Variants in MYH14 observed in about 807,000 individuals in gnomAD.
MYH14 encodes myosin heavy chain 14.
A neutral mutation model predicts 255.5 loss-of-function variants in MYH14; 123 were observed. The observed-to-expected ratio is 0.48, with a 90% CI of 0.42 to 0.56. MYH14 has a LOEUF of 0.56. Among genes scored for constraint, MYH14 ranks in the 20% least tolerant of loss-of-function variants. The probability of loss-of-function intolerance (pLI) is 0.00; values close to 1 mark genes in which losing one functional copy is unlikely to be tolerated. For synonymous variants in MYH14, 1,095 were observed against 1,161.2 expected (o/e 0.94, Z 1.16); for missense variants, 2,423 against 2,802.3 (o/e 0.86, Z 3.06).
Position 50,211,205 on chromosome 19 carries a change from G to A in MYH14, c.405+435G>A, listed in dbSNP as rs114091288. On this transcript the variant is annotated intron_variant, in intron 2 of 42. Transcript: ENST00000642316. ...AATTAGCCAGGTGTGGTGGTGGCCC[G>A]TGCCTTTAGTCTCACCTTCTAGGAA... is the stretch of plus-strand genomic sequence containing the variant. 4.4e-3 allele frequency among the ~76,000 whole-genome samples: 670 copies of A among 152,216 alleles called. 7 individuals are homozygous for A. Among genetic ancestry groups the A allele is most frequent in the African/African-American group, 0.015 (624 of 41,518 alleles).
chr19:50,282,164 A>G (rs1375367947), intron 33 of MYH14, among the ~76,000 whole-genome samples: 2 of 152,152 alleles, frequency 1.3e-5, no homozygotes, highest in Non-Finnish European at 2.9e-5. Context: ...AACTCATCTC[A>G]CTTCTGCTGA....
rs772570358 is a variant in MYH14 at position 50,259,162 on chromosome 19, C to T, written c.2251C>T (p.Arg751Trp). 35 of 1,558,480 alleles carry T rather than the reference C, an allele frequency of 2.2e-5. 1 individual carries two copies. Among genetic ancestry groups the T allele is most frequent in the Middle Eastern group, 1.7e-4 (1 of 6,020 alleles). Residue 751 changes from arginine to tryptophan, a missense_variant, in exon 19 of 43, where the codon CGG becomes TGG. Around this residue, in one of 3 missense-constraint regions of MYH14, gnomAD observed 672 missense variants for 881.8 expected, o/e 0.76. Coordinates refer to ENST00000642316, the MANE Select transcript of MYH14 (RefSeq NM_001145809.2). ...HEKRAGKLEP[R>W]LVLDQLRCNG... is the part of the protein sequence containing the mutation. Reference sequence around the variant, plus strand: ...TCCCCAGGCCGGGAAGCTGGAGCCACGGCTGGTGCTGGACCAGCTTCGCTG... The same window carrying T: ...TCCCCAGGCCGGGAAGCTGGAGCCATGGCTGGTGCTGGACCAGCTTCGCTG...
intron 30 of MYH14, among the ~76,000 whole-genome samples, chr19:50,278,509 T>A (rs1246593075): frequency 6.6e-6 from 1 of 151,788 alleles, no homozygotes; most frequent in Non-Finnish European, 1.5e-5. Flanking sequence ...GAGACCAGCC[T>A]GGGCAACATA....
rs182390012 is a variant in MYH14 at position 50,266,453 on chromosome 19, G to C, written c.2695-424G>C. ...ATACGCCTGTAATCCCAGCTACTCG[G>C]GAGGCTGAGGCAGGAGAATCGCTTG... is the stretch of plus-strand genomic sequence containing the variant. On this transcript the variant is annotated intron_variant, in intron 22 of 42. Transcript: ENST00000642316. This position sits in a 1 kb window ranked among gnomAD's most constrained non-coding sequence, Gnocchi z 4.1. 1.3e-5 allele frequency among the ~76,000 whole-genome samples: 2 copies of C among 152,156 alleles called. No homozygotes were observed. Among genetic ancestry groups the C allele is most frequent in the African/African-American group, 4.8e-5 (2 of 41,452 alleles).
intron 24 of MYH14, among the ~76,000 whole-genome samples, chr19:50,269,265 C>T (rs1405817759): frequency 6.6e-6 from 1 of 152,220 alleles, no homozygotes; most frequent in East Asian, 1.9e-4. Context: ...CAACCTCCGT[C>T]TCCCGGGCTC....
intron 42 of MYH14, 112 bp from the exon 43 acceptor site, chr19:50,309,504 CCTCTCTTCCCCCTTATTTTGTTCT>C: frequency 1.5e-6 from 1 of 672,396 alleles, no homozygotes; most frequent in East Asian, 2.7e-5. Flanking sequence ...TGATCTCATC[CCTCTCTTCCCCCTTATTTTGTTCT>C]CTCTCTTCCT....
At chr19:50,245,772 C>A (rs73061127) in intron 11 of MYH14, among the ~76,000 whole-genome samples, 2,871 of 152,344 alleles carry the variant, frequency 0.019, 38 homozygotes, top group Middle Eastern at 0.034. Flanking sequence ...GGGCTCTGTA[C>A]ATAGGCACCC....
chr19:50,272,033 C>T, intron 26 of MYH14, 61 bp downstream of exon 26: 1 of 1,573,276 alleles, frequency 6.4e-7, no homozygotes, highest in South Asian at 1.2e-5. Flanking sequence ...CTCAGGCAAG[C>T]CCCATGTGCT....
chr19:50,232,160 G>A (rs2033431222), intron 10 of MYH14, 90 bp downstream of exon 10: 2 of 1,527,994 alleles, frequency 1.3e-6, no homozygotes, highest in African/African-American at 1.4e-5. Context: ...CTTTGAGCAA[G>A]TGTTTATTGA....
chr19:50,301,056 T>C (rs1262835211), intron 39 of MYH14, among the ~76,000 whole-genome samples: 2 of 152,112 alleles, frequency 1.3e-5, no homozygotes, highest in Non-Finnish European at 2.9e-5. Flanking sequence ...CTCACTTCCA[T>C]GTACCCAGCA....
intron 22 of MYH14, among the ~76,000 whole-genome samples, chr19:50,265,758 T>C (rs1463821527): frequency 2.0e-5 from 3 of 151,680 alleles, no homozygotes; most frequent in Admixed American, 2.0e-4. Context: ...AAGGTGAAGG[T>C]TGCAGTGAGC....
At position 50,252,292 on chromosome 19, in the gene MYH14, C is replaced by G. The variant is rs2123317488; in HGVS notation, c.1831-347C>G. Among the ~76,000 whole-genome samples, 1 of 152,262 alleles carries G rather than the reference C, an allele frequency of 6.6e-6. No homozygotes were observed. The highest frequency in any genetic ancestry group is 1.9e-4 in the East Asian group (1 of 5,166). On this transcript the variant is annotated intron_variant, in intron 15 of 42. Transcript: ENST00000642316. This position sits in a 1 kb window ranked among gnomAD's most constrained non-coding sequence, Gnocchi z 4.2. ...GCCAGTGGTGTGAAACCCACAGAGA[C>G]AGAACCCCAGGTGGCAGGAACCGCA...
chr19:50,304,411 G>A (rs984478410), intron 40 of MYH14, among the ~76,000 whole-genome samples: 1 of 152,166 alleles, frequency 6.6e-6, no homozygotes, highest in Non-Finnish European at 1.5e-5. Context: ...CCAACCTGAT[G>A]AAACCCCGTC....
intron 1 of MYH14, among the ~76,000 whole-genome samples, chr19:50,207,312 A>G (rs538052326): frequency 9.5e-4 from 141 of 148,338 alleles, no homozygotes; most frequent in Middle Eastern, 3.5e-3. Flanking sequence ...AGAGAGAGAG[A>G]GACTAGGGGC....
intron 39 of MYH14, among the ~76,000 whole-genome samples, chr19:50,295,279 C>T (rs147906841): frequency 0.039 from 5,886 of 151,406 alleles, 408 homozygotes; most frequent in African/African-American, 0.13. Flanking sequence ...AAGCCGAGAT[C>T]GCACCACTGC....
chr19:50,216,203 G>A (rs1347338276), intron 2 of MYH14, among the ~76,000 whole-genome samples: 1 of 152,198 alleles, frequency 6.6e-6, no homozygotes, highest in African/African-American at 2.4e-5. Flanking sequence ...GGCCGGGTGT[G>A]AAGGTTCACA....
intron 12 of MYH14, among the ~76,000 whole-genome samples, chr19:50,247,606 G>T (rs1378784931): frequency 6.6e-6 from 1 of 152,144 alleles, no homozygotes; most frequent in South Asian, 2.1e-4. Context: ...GCTTTTAGAT[G>T]GTGAGAGCAC....
chr19:50,298,757 A>G (rs1365317438), intron 39 of MYH14, among the ~76,000 whole-genome samples: 1 of 151,936 alleles, frequency 6.6e-6, no homozygotes, highest in Admixed American at 6.6e-5. Flanking sequence ...TCTAAAAAAA[A>G]AAAAAAGAAA....
intron 29 of MYH14, among the ~76,000 whole-genome samples, chr19:50,277,243 C>A (rs997911991): frequency 2.0e-5 from 3 of 152,034 alleles, no homozygotes; most frequent in African/African-American, 7.2e-5. Flanking sequence ...AAAAAGGGAT[C>A]AGAATTCTAA....
Sources: gnomAD v4.1 joint callset for allele counts (sites outside exome capture counted in the v4.1 genomes callset) on GRCh38, gnomAD v4.1.1 for gene constraint, gnomAD v4.1.1 regional missense constraint, Gnocchi (gnomAD v3.1) non-coding constraint, MANE v1.5 for transcripts, NCBI Gene and HGNC (gene_info 2026-07-23, HGNC 2026-07-21) for gene names.